The following CTNND2 variants were observed in gnomAD, a reference collection of about 807,000 sequenced individuals.
CTNND2 encodes the protein catenin delta 2, also known as catenin delta-2.
In CTNND2, 22 loss-of-function variants were observed where a neutral mutation model predicts 144.4. The observed-to-expected ratio is 0.15, with a 90% CI of 0.11 to 0.22. The LOEUF (loss-of-function observed/expected upper bound fraction) is 0.22, where lower values mean the gene tolerates loss of function less well. CTNND2 is among the 10% of genes least tolerant of loss of function. The pLI, the probability that CTNND2 is intolerant of heterozygous loss-of-function variation, is 1.00. For synonymous variants in CTNND2, 751 were observed against 695.6 expected, an observed-to-expected ratio of 1.08 and a Z score of -1.25; for missense variants, 1,353 against 1,618.8, an observed-to-expected ratio of 0.84 and a Z score of 2.82.
rs528112378 is a variant in CTNND2, at chr5:11,795,265, G to A, written c.38-62993C>T. 9.0e-4 allele frequency among the ~76,000 whole-genome samples: 137 copies of A among 152,242 alleles called. 1 individual carries two copies. Among genetic ancestry groups the A allele is most frequent in the Middle Eastern group, 6.8e-3 (2 of 294 alleles). On this transcript the variant is annotated intron_variant, in intron 1 of 21. Coordinates refer to ENST00000304623, the MANE Select transcript of CTNND2 (RefSeq NM_001332.4). ...AGAAGGCCAAGGAAGGTCTCTGGAG[G>A]AAGCGACCCTTCAGCTGAGCCATGA...
chr5:11,301,919 T>C (rs1342856509), intron 9 of CTNND2, among the ~76,000 whole-genome samples: 2 of 152,130 alleles, frequency 1.3e-5, no homozygotes, highest in South Asian at 2.1e-4. Flanking sequence ...GGCCCTTCAC[T>C]GCTCCATGAC....
intron 1 of CTNND2, among the ~76,000 whole-genome samples, chr5:11,893,372 C>T (rs1254729481): frequency 6.6e-6 from 1 of 152,114 alleles, no homozygotes; most frequent in Non-Finnish European, 1.5e-5. Flanking sequence ...GATTATCTAG[C>T]GCTGGAGGTA....
chr5:11,757,993 C>T (rs559419617), intron 1 of CTNND2, among the ~76,000 whole-genome samples: 6 of 152,090 alleles, frequency 3.9e-5, no homozygotes, highest in African/African-American at 1.4e-4. Flanking sequence ...TTTCTGACAT[C>T]TTGTCATGTA....
chr5:11,318,520 C>T (rs1318619109), intron 9 of CTNND2, among the ~76,000 whole-genome samples: 1 of 152,044 alleles, frequency 6.6e-6, no homozygotes, highest in East Asian at 1.9e-4. Flanking sequence ...GCTCTTAGGC[C>T]CCTCCTCATG....
chr5:11,182,880 C>G (rs144010090), intron 11 of CTNND2, among the ~76,000 whole-genome samples: 1,549 of 152,262 alleles, frequency 0.01, 14 homozygotes, highest in Middle Eastern at 0.044. Flanking sequence ...GGAAAGCTAC[C>G]TAGAGATGGT....
intron 11 of CTNND2, among the ~76,000 whole-genome samples, chr5:11,162,057 G>A (rs2149771828): frequency 6.6e-6 from 1 of 150,810 alleles, no homozygotes; most frequent in East Asian, 2.1e-4. Flanking sequence ...GTCTGGGGCA[G>A]GAGAATTGCT....
intron 8 of CTNND2, among the ~76,000 whole-genome samples, chr5:11,355,577 A>G (rs113713660): frequency 1.7e-3 from 255 of 152,260 alleles, no homozygotes; most frequent in Middle Eastern, 6.8e-3. Flanking sequence ...CTAATATCAT[A>G]CTGAACAAGG....
chr5:11,763,138 T>C lies in CTNND2; in HGVS notation c.38-30866A>G, dbSNP rs61322847. Among the ~76,000 whole-genome samples the C allele has an allele frequency of 3.8e-3, 586 of 152,310 alleles. 5 individuals carry two copies. Among genetic ancestry groups the C allele is most frequent in the African/African-American group, 0.013 (547 of 41,578 alleles). On this transcript the variant is annotated intron_variant, in intron 1 of 21. Coordinates refer to ENST00000304623, the MANE Select transcript of CTNND2 (RefSeq NM_001332.4). ...TCTCCTGCTGGCCATGTGAAGATGG[T>C]ACATGCTTCCCCTTCACCTTCCATC...
intron 2 of CTNND2, among the ~76,000 whole-genome samples, chr5:11,616,643 T>C (rs750756801): frequency 1.3e-5 from 2 of 150,990 alleles, no homozygotes; most frequent in Non-Finnish European, 3.0e-5. Flanking sequence ...AGTCTCATTC[T>C]GTCATCCAGG....
intron 3 of CTNND2, among the ~76,000 whole-genome samples, chr5:11,514,259 T>A (rs1308080654): frequency 6.6e-6 from 1 of 152,222 alleles, no homozygotes; most frequent in South Asian, 2.1e-4. Context: ...CATATATATA[T>A]AAGACATATA....
intron 10 of CTNND2, among the ~76,000 whole-genome samples, chr5:11,215,364 A>G (rs1739066616): frequency 6.6e-6 from 1 of 152,232 alleles, no homozygotes; most frequent in South Asian, 2.1e-4. Flanking sequence ...TAATTTTCCC[A>G]CAAGTACACG....
chr5:11,355,237 T>C (rs1755737623), intron 8 of CTNND2, among the ~76,000 whole-genome samples: 1 of 151,716 alleles, frequency 6.6e-6, no homozygotes, highest in Non-Finnish European at 1.5e-5. Flanking sequence ...AAGAAAACAA[T>C]AAAGGTGTGT....
chr5:11,503,381 T>C (rs1770718930), intron 3 of CTNND2, among the ~76,000 whole-genome samples: 1 of 152,234 alleles, frequency 6.6e-6, no homozygotes, highest in Admixed American at 6.5e-5. Flanking sequence ...ATATTTAGCT[T>C]GGGAATCTTG....
intron 1 of CTNND2, among the ~76,000 whole-genome samples, chr5:11,857,501 A>G (rs1296464059): frequency 3.3e-5 from 5 of 152,174 alleles, no homozygotes; most frequent in Admixed American, 2.6e-4. Flanking sequence ...ATACGATCTG[A>G]TGACCCTTTG....
intron 9 of CTNND2, among the ~76,000 whole-genome samples, chr5:11,311,965 CCA>C (rs1258658076): frequency 2.7e-5 from 4 of 146,142 alleles, no homozygotes; most frequent in Non-Finnish European, 6.0e-5. Context: ...TATACACCTC[CCA>C]CACACACCCA....
rs911685712 is a variant in CTNND2 at position 11,530,648 on chromosome 5, T to C, written c.287+34296A>G. On this transcript the variant is annotated intron_variant, in intron 3 of 21. Transcript: ENST00000304623. ...GCACTGCACTCAAAATACTAGAATG[T>C]GTTATTTTCTGGAATCTGACATCCC... Among the ~76,000 whole-genome samples, 7 of 152,196 alleles carry C rather than the reference T, an allele frequency of 4.6e-5. No individual in the cohort carries two copies. In the East Asian group the frequency reaches 1.2e-3, roughly 25 times the overall value.
intron 1 of CTNND2, among the ~76,000 whole-genome samples, chr5:11,806,348 A>G (rs1022034268): frequency 6.6e-6 from 1 of 152,210 alleles, no homozygotes; most frequent in South Asian, 2.1e-4. Context: ...GTATTTTAAA[A>G]TGCATTATAT....
At chr5:11,222,541 C>A (rs974280207) in intron 10 of CTNND2, among the ~76,000 whole-genome samples, 1 of 152,192 alleles carries the variant, frequency 6.6e-6, no homozygotes, top group African/African-American at 2.4e-5. Flanking sequence ...TGTGTTGGCT[C>A]ACGCCTGTAT....
Position 11,384,198 on chromosome 5 carries a change from C to T in CTNND2, c.1177+467G>A, listed in dbSNP as rs1296226671. Among the ~76,000 whole-genome samples the T allele has an allele frequency of 6.6e-6, 1 of 152,194 alleles. No individual in the cohort carries two copies. Among genetic ancestry groups the T allele is most frequent in the Non-Finnish European group, 1.5e-5 (1 of 68,038 alleles). ...TTCATTATTAATTATTTCCCCACTA[C>T]TATTGAAAACTATGTAAGCTGAACG... On this transcript the variant is annotated intron_variant, in intron 7 of 21. Coordinates refer to ENST00000304623, the MANE Select transcript of CTNND2 (RefSeq NM_001332.4). The surrounding 1 kb of genome is among the most constrained non-coding windows in gnomAD (Gnocchi z 5.2).
Sources: allele counts gnomAD v4.1 joint callset (sites outside exome capture counted in the v4.1 genomes callset), GRCh38; gene constraint gnomAD v4.1.1; non-coding constraint Gnocchi (gnomAD v3.1); transcripts MANE v1.5; gene names NCBI Gene and HGNC (gene_info 2026-07-23, HGNC 2026-07-21).